Variants in ADIPOR2 observed in about 807,000 individuals in gnomAD.
ADIPOR2 encodes the protein adiponectin receptor protein 2.
Under a neutral mutation model 40.9 loss-of-function variants are expected in ADIPOR2, and 18 were observed. That is an observed-to-expected ratio of 0.44 (90% CI 0.30 to 0.65). ADIPOR2 has a LOEUF of 0.65. ADIPOR2 is among the 30% of genes least tolerant of loss of function. The probability of loss-of-function intolerance (pLI) is 0.09; values close to 1 mark genes in which losing one functional copy is unlikely to be tolerated. For missense variants in ADIPOR2, 283 were observed against 479.2 expected, an observed-to-expected ratio of 0.59 and a Z score of 3.82; for synonymous variants, 165 against 166.4, an observed-to-expected ratio of 0.99 and a Z score of 0.06.
intron 1 of ADIPOR2, among the ~76,000 whole-genome samples, chr12:1,692,504 A>G (rs947490970): frequency 1.3e-5 from 2 of 152,214 alleles, no homozygotes; most frequent in African/African-American, 4.8e-5. Flanking sequence ...TGTGAAAGGC[A>G]TATTTCTTTT....
At chr12:1,730,341 G>A (rs989276430) in intron 1 of ADIPOR2, among the ~76,000 whole-genome samples, 4 of 151,826 alleles carry the variant, frequency 2.6e-5, no homozygotes, top group African/African-American at 4.8e-5. Flanking sequence ...GTTCAGGCCG[G>A]GCGCGGTGGC....
At chr12:1,758,361 A>G (rs558645834) in intron 2 of ADIPOR2, among the ~76,000 whole-genome samples, 2 of 152,186 alleles carry the variant, frequency 1.3e-5, no homozygotes, top group Admixed American at 6.5e-5. Context: ...AGATTTTTCT[A>G]TGAGGAGCCA....
chr12:1,701,280 A>G (rs1157939972), intron 1 of ADIPOR2, among the ~76,000 whole-genome samples: 1 of 151,890 alleles, frequency 6.6e-6, no homozygotes, highest in African/African-American at 2.4e-5. Context: ...GGTTTACACC[A>G]CTGTGCCCAG....
chr12:1,755,273 T>C (rs994099772), intron 2 of ADIPOR2, among the ~76,000 whole-genome samples: 8 of 151,668 alleles, frequency 5.3e-5, no homozygotes, highest in African/African-American at 1.9e-4. Flanking sequence ...AGAGATGGAG[T>C]TTCACCATGT....
chr12:1,745,289 G>C (rs1343442166), intron 1 of ADIPOR2, among the ~76,000 whole-genome samples: 1 of 152,060 alleles, frequency 6.6e-6, no homozygotes. Context: ...TTCATCTCCT[G>C]TTAAAATTTT....
intron 2 of ADIPOR2, chr12:1,772,601 A>G: frequency 3.0e-6 from 1 of 336,584 alleles, no homozygotes; most frequent in Non-Finnish European, 5.1e-6. Context: ...GGAATTTGCT[A>G]CTGAAACAGA....
At chr12:1,716,495 C>T (rs755363077) in intron 1 of ADIPOR2, among the ~76,000 whole-genome samples, 5 of 152,122 alleles carry the variant, frequency 3.3e-5, no homozygotes, top group Admixed American at 1.3e-4. Context: ...TATGATATTC[C>T]TAACATTCCT....
At chr12:1,771,733 C>T (rs761843918) in intron 2 of ADIPOR2, among the ~76,000 whole-genome samples, 10 of 152,124 alleles carry the variant, frequency 6.6e-5, no homozygotes, top group Non-Finnish European at 1.2e-4. Flanking sequence ...TAGTAGATTA[C>T]CCATTGCCTC....
chr12:1,693,566 T>C (rs1299773649), intron 1 of ADIPOR2, among the ~76,000 whole-genome samples: 2 of 151,938 alleles, frequency 1.3e-5, no homozygotes, highest in African/African-American at 2.4e-5. Flanking sequence ...GGAGTTTCGT[T>C]CTTGTTGCCC....
chr12:1,767,706 T>C (rs1862413653), intron 2 of ADIPOR2, among the ~76,000 whole-genome samples: 1 of 152,196 alleles, frequency 6.6e-6, no homozygotes, highest in East Asian at 1.9e-4. Context: ...TAAAGAGTCC[T>C]AGAAGTATTT....
chr12:1,733,423 G>T (rs762325120), intron 1 of ADIPOR2, among the ~76,000 whole-genome samples: 2 of 152,100 alleles, frequency 1.3e-5, no homozygotes, highest in Non-Finnish European at 2.9e-5. Context: ...GGATATAACC[G>T]TGAGAGCAGT....
intron 1 of ADIPOR2, among the ~76,000 whole-genome samples, chr12:1,715,389 T>C (rs921773028): frequency 7.2e-5 from 11 of 152,120 alleles, no homozygotes; most frequent in African/African-American, 2.7e-4. Flanking sequence ...TTTTCAGGGT[T>C]TGCAGGTCAA....
At chr12:1,749,888 G>T (rs1592609850) in intron 1 of ADIPOR2, among the ~76,000 whole-genome samples, 1 of 147,340 alleles carries the variant, frequency 6.8e-6, no homozygotes, top group East Asian at 2.0e-4. Flanking sequence ...CCAGGCTGGA[G>T]TGCAGTGGTG....
chr12:1,782,976 C>CTTTTTTTT (rs71055199), intron 6 of ADIPOR2, among the ~76,000 whole-genome samples: 375 of 109,700 alleles, frequency 3.4e-3, no homozygotes, highest in Non-Finnish European at 5.1e-3. Context: ...TTCTTTCTTT[C>CTTTTTTTT]TTTTTTTTTT....
At chr12:1,754,584 G>C in intron 2 of ADIPOR2, 70 bp downstream of exon 2, 2 of 1,436,252 alleles carry the variant, frequency 1.4e-6, no homozygotes, top group Admixed American at 2.5e-5. Context: ...AGGATATGGG[G>C]AAAAAAAAGT....
At chr12:1,732,078 TA>T in intron 1 of ADIPOR2, among the ~76,000 whole-genome samples, 1 of 152,312 alleles carries the variant, frequency 6.6e-6, no homozygotes, top group East Asian at 1.9e-4. Flanking sequence ...AGTTCCCATA[TA>T]TCTACCCGCT....
chr12:1,761,150 C>A (rs1260264771), intron 2 of ADIPOR2, among the ~76,000 whole-genome samples: 5 of 152,024 alleles, frequency 3.3e-5, no homozygotes, highest in East Asian at 1.9e-4. Flanking sequence ...TAGGAAAAAA[C>A]ACAGCATATA....
chr12:1,724,444 C>T (rs2094703861), intron 1 of ADIPOR2, among the ~76,000 whole-genome samples: 1 of 151,942 alleles, frequency 6.6e-6, no homozygotes, highest in African/African-American at 2.4e-5. Flanking sequence ...TAGAGTAGTA[C>T]AAATCACAGA....
At chr12:1,755,748 C>A (rs1862111855) in intron 2 of ADIPOR2, among the ~76,000 whole-genome samples, 7 of 152,120 alleles carry the variant, frequency 4.6e-5, no homozygotes, top group Admixed American at 3.9e-4. Flanking sequence ...ATTACTAGTA[C>A]AGTGTTTCTC....
Sources: gnomAD v4.1 joint callset for allele counts (sites outside exome capture counted in the v4.1 genomes callset) on GRCh38, gnomAD v4.1.1 for gene constraint, MANE v1.5 for transcripts, NCBI Gene and HGNC (gene_info 2026-07-23, HGNC 2026-07-21) for gene names.